CAAP1: variants seen among roughly 807,000 people sequenced by gnomAD.
CAAP1 encodes the protein conserved anti-apoptotic protein.
CAAP1 carries 20 observed loss-of-function variants against 34.0 expected under a neutral mutation model. The ratio of observed to expected loss-of-function variants is 0.59; its 90% CI spans 0.41 to 0.86. The LOEUF (loss-of-function observed/expected upper bound fraction) is 0.86. CAAP1 is among the 40% of genes least tolerant of loss of function. The probability of loss-of-function intolerance (pLI) is 0.00; values close to 1 mark genes in which losing one functional copy is unlikely to be tolerated. For synonymous variants in CAAP1, 213 were observed against 166.7 expected, an observed-to-expected ratio of 1.28 and a Z score of -2.14; for missense variants, 538 against 450.5, an observed-to-expected ratio of 1.19 and a Z score of -1.76.
intron 4 of CAAP1, chr9:26,870,041 T>A: frequency 6.9e-5 from 17 of 245,504 alleles, no homozygotes; most frequent in Non-Finnish European, 8.6e-5. Context: ...AAGAATAACT[T>A]TTTTTTTTTT....
intron 5 of CAAP1, among the ~76,000 whole-genome samples, chr9:26,848,396 G>T (rs564397276): frequency 6.6e-6 from 1 of 152,122 alleles, no homozygotes; most frequent in Non-Finnish European, 1.5e-5. Context: ...GGCACCTGTA[G>T]TCCCAGATAC....
At chr9:26,848,760 G>C (rs924161687) in intron 5 of CAAP1, among the ~76,000 whole-genome samples, 2 of 152,194 alleles carry the variant, frequency 1.3e-5, no homozygotes, top group African/African-American at 4.8e-5. Flanking sequence ...CTTTTAGAGA[G>C]ATTGGGTCTT....
intron 4 of CAAP1, among the ~76,000 whole-genome samples, chr9:26,881,467 G>A (rs918291834): frequency 6.6e-6 from 1 of 152,158 alleles, no homozygotes; most frequent in Non-Finnish European, 1.5e-5. Context: ...GTGGAAGTAA[G>A]TTTCACAAGA....
intron 4 of CAAP1, 56 bp downstream of exon 4, chr9:26,884,754 T>C: frequency 8.7e-7 from 1 of 1,153,268 alleles, no homozygotes; most frequent in African/African-American, 1.5e-5. Context: ...ACATAAGAAA[T>C]CACCAAAGGA....
intron 4 of CAAP1, among the ~76,000 whole-genome samples, chr9:26,872,100 GTGGTT>G (rs1823291588): frequency 6.6e-6 from 1 of 152,140 alleles, no homozygotes; most frequent in Non-Finnish European, 1.5e-5. Flanking sequence ...AATATAAAGA[GTGGTT>G]ATACAGGTAA....
chr9:26,879,058 G>C (rs1465589450), intron 4 of CAAP1, among the ~76,000 whole-genome samples: 1 of 152,164 alleles, frequency 6.6e-6, no homozygotes, highest in Non-Finnish European at 1.5e-5. Flanking sequence ...TCTGACTTTG[G>C]AGAAATGTAC....
At chr9:26,876,582 G>T (rs963097088) in intron 4 of CAAP1, among the ~76,000 whole-genome samples, 1 of 143,764 alleles carries the variant, frequency 7.0e-6, no homozygotes, top group African/African-American at 2.6e-5. Flanking sequence ...CCTTTTCTAT[G>T]TTTAGATAAT....
chr9:26,857,457 C>T (rs1376172554), intron 5 of CAAP1, among the ~76,000 whole-genome samples: 2 of 152,288 alleles, frequency 1.3e-5, no homozygotes, highest in South Asian at 4.1e-4. Context: ...CATGGTAAAA[C>T]CCCATCTCTA....
Position 26,892,708 on chromosome 9 carries a change from C to T in CAAP1, c.8G>A (p.Gly3Glu). Residue 3 changes from glycine (G) to glutamate (E), a missense_variant, in exon 1 of 6, where the codon GGG becomes GAG. Around this residue, in one of 3 missense-constraint regions of CAAP1, gnomAD observed 514 missense variants for 408.4 expected, o/e 1.26. Transcript: ENST00000333916. Reference sequence around the variant, plus strand: ...CCGTTTCTCCCGGGAGGACTTTTTCCCCGTCATGATCCCTCTGCTGCAACC... The same window carrying T: ...CCGTTTCTCCCGGGAGGACTTTTTCTCCGTCATGATCCCTCTGCTGCAACC... MT[G>E]KKSSREKRRK... The T allele has an allele frequency of 1.3e-6, 2 of 1,595,166 alleles. No individual in the cohort carries two copies. The highest frequency in any genetic ancestry group is 1.7e-6 in the Non-Finnish European group (2 of 1,175,156).
chr9:26,890,714 G>T (rs1396628581), intron 1 of CAAP1, among the ~76,000 whole-genome samples: 1 of 152,208 alleles, frequency 6.6e-6, no homozygotes, highest in Non-Finnish European at 1.5e-5. Flanking sequence ...GGGAGGCCGA[G>T]ACGGGTGGAT....
At chr9:26,844,367 AG>A (rs1266604931) in intron 5 of CAAP1, among the ~76,000 whole-genome samples, 1 of 152,206 alleles carries the variant, frequency 6.6e-6, no homozygotes, top group African/African-American at 2.4e-5. Flanking sequence ...CAAAAAAAAA[AG>A]AAAATAAGTG....
rs563002259 is a variant in CAAP1, at chr9:26,858,524, A to T, written c.739+2542T>A. 1.8e-3 allele frequency among the ~76,000 whole-genome samples: 270 copies of T among 152,228 alleles called. 1 individual carries two copies. The highest frequency in any genetic ancestry group is 6.3e-3 in the African/African-American group (262 of 41,540). ...AAAAGACTTTAATTCCCTGCTTTTT[A>T]AAAAAAGGTTAAAACTGGCTGGGTG... On this transcript the variant is annotated intron_variant, in intron 5 of 5. Transcript: ENST00000333916.
At chr9:26,847,426 G>A (rs1368025654) in intron 5 of CAAP1, among the ~76,000 whole-genome samples, 2 of 151,398 alleles carry the variant, frequency 1.3e-5, no homozygotes, top group Non-Finnish European at 2.9e-5. Context: ...GTGTTAGCCA[G>A]GATGGTCTCG....
At position 26,857,002 on chromosome 9, in the gene CAAP1, A is replaced by C. The variant is rs1284101196; in HGVS notation, c.739+4064T>G. Among the ~76,000 whole-genome samples, 2 of 152,270 alleles carry C rather than the reference A, an allele frequency of 1.3e-5. 1 individual carries two copies. Among genetic ancestry groups the C allele is most frequent in the Non-Finnish European group, 2.9e-5 (2 of 68,046 alleles). Reference sequence around the variant, plus strand: ...CAATTTAAATACAGACCAATATTTTACTATTGCTGAATGTCTTGAGTAAAC... The same window carrying C: ...CAATTTAAATACAGACCAATATTTTCCTATTGCTGAATGTCTTGAGTAAAC... On this transcript the variant is annotated intron_variant, in intron 5 of 5. Coordinates refer to ENST00000333916, the MANE Select transcript of CAAP1 (RefSeq NM_024828.4).
intron 5 of CAAP1, among the ~76,000 whole-genome samples, chr9:26,846,989 T>G (rs1051463215): frequency 6.6e-6 from 1 of 151,360 alleles, no homozygotes; most frequent in Non-Finnish European, 1.5e-5. Context: ...GCCCGGCCAA[T>G]TTTTCTTCTT....
At chr9:26,848,071 A>C (rs182728144) in intron 5 of CAAP1, among the ~76,000 whole-genome samples, 1 of 152,364 alleles carries the variant, frequency 6.6e-6, no homozygotes, top group East Asian at 1.9e-4. Context: ...CACTAGATAT[A>C]CTTTAATCTT....
intron 4 of CAAP1, among the ~76,000 whole-genome samples, chr9:26,882,080 G>A (rs936205133): frequency 3.4e-4 from 52 of 152,346 alleles, no homozygotes; most frequent in Non-Finnish European, 5.7e-4. Context: ...CAAGAGGTAT[G>A]TGGGTATTAT....
chr9:26,865,539 T>A (rs1051006884), intron 4 of CAAP1, among the ~76,000 whole-genome samples: 13 of 149,866 alleles, frequency 8.7e-5, no homozygotes, highest in Non-Finnish European at 1.9e-4. Context: ...AAAAAAAAAA[T>A]TATTGGTTTC....
chr9:26,856,167 C>G (rs375886513), intron 5 of CAAP1, among the ~76,000 whole-genome samples: 2 of 152,020 alleles, frequency 1.3e-5, no homozygotes, highest in East Asian at 3.9e-4. Flanking sequence ...AAGCAAAACT[C>G]TGTGTGCATA....
Sources: allele counts gnomAD v4.1 joint callset (sites outside exome capture counted in the v4.1 genomes callset), GRCh38; gene constraint gnomAD v4.1.1; regional missense constraint gnomAD v4.1.1; transcripts MANE v1.5; gene names NCBI Gene and HGNC (gene_info 2026-07-23, HGNC 2026-07-21).